RAB7B: variants seen among roughly 807,000 people sequenced by gnomAD.
RAB7B encodes the protein RAB7B, member RAS oncogene family, also known as ras-related protein Rab-7b.
At chr1:205,985,809 G>A in intron 4 of RAB7B, 144 bp from the exon 5 acceptor site, 1 of 130,532 alleles carries the variant, frequency 7.7e-6, no homozygotes, top group Non-Finnish European at 1.4e-5. Context: ...TCCCCACCAG[G>A]CCCACCAGGC....
At chr1:205,984,959 C>T (rs901144793) in intron 5 of RAB7B, among the ~76,000 whole-genome samples, 15 of 152,170 alleles carry the variant, frequency 9.9e-5, no homozygotes, top group African/African-American at 2.9e-4. Context: ...TAGACCCTAC[C>T]CCTAAGTCCT....
chr1:205,987,353 G>A (rs1660629307), intron 4 of RAB7B, among the ~76,000 whole-genome samples: 1 of 152,214 alleles, frequency 6.6e-6, no homozygotes, highest in African/African-American at 2.4e-5. Flanking sequence ...AATTCTGAAA[G>A]TGTTACTTGC....
chr1:206,000,870 T>C (rs1259890045), intron 1 of RAB7B, among the ~76,000 whole-genome samples: 2 of 152,224 alleles, frequency 1.3e-5, no homozygotes, highest in Non-Finnish European at 2.9e-5. Context: ...GAGCCAGACC[T>C]GCCCCATGGA....
intron 5 of RAB7B, among the ~76,000 whole-genome samples, chr1:205,984,467 A>G (rs1413744306): frequency 6.6e-6 from 1 of 152,180 alleles, no homozygotes; most frequent in Non-Finnish European, 1.5e-5. Flanking sequence ...CCATTTCCTC[A>G]ATTCAGAACC....
intron 5 of RAB7B, chr1:205,983,799 G>T (rs929802906): frequency 1.7e-4 from 26 of 152,130 alleles, no homozygotes; most frequent in African/African-American, 6.3e-4. Flanking sequence ...AAAAATGCAA[G>T]CAGACAAGCC....
intron 5 of RAB7B, among the ~76,000 whole-genome samples, chr1:205,984,967 C>T (rs1660563899): frequency 6.6e-6 from 1 of 152,194 alleles, no homozygotes; most frequent in African/African-American, 2.4e-5. Context: ...ACCCCTAAGT[C>T]CTGCCCCACC....
At chr1:205,980,843 T>TCCCTCCCCTTTCCTCCCCTTC (rs1660479443) in intron 5 of RAB7B, among the ~76,000 whole-genome samples, 3 of 91,522 alleles carry the variant, frequency 3.3e-5, no homozygotes, top group South Asian at 4.9e-4. Flanking sequence ...CCTCCCCCTT[T>TCCCTCCCCTTTCCTCCCCTTC]CCCTCCCCTT....
intron 4 of RAB7B, among the ~76,000 whole-genome samples, chr1:205,988,431 T>G (rs1321767262): frequency 6.6e-6 from 1 of 152,082 alleles, no homozygotes; most frequent in Non-Finnish European, 1.5e-5. Context: ...GATGGGGTCT[T>G]GACATGTTGC....
intron 4 of RAB7B, among the ~76,000 whole-genome samples, chr1:205,988,577 A>G (rs1457995608): frequency 6.6e-6 from 1 of 152,174 alleles, no homozygotes; most frequent in Non-Finnish European, 1.5e-5. Flanking sequence ...ATTAGGTAGG[A>G]GAAGCTGCTG....
chr1:205,991,095 C>G (rs1375945628), intron 4 of RAB7B, among the ~76,000 whole-genome samples: 4 of 152,102 alleles, frequency 2.6e-5, no homozygotes, highest in African/African-American at 9.7e-5. Flanking sequence ...ATAGTACAAG[C>G]CAAATTAGAA....
At chr1:205,985,792 C>CCCACCAGGCCCA (rs1660591213) in intron 4 of RAB7B, 127 bp from the exon 5 acceptor site, 1 of 418,876 alleles carries the variant, frequency 2.4e-6, no homozygotes, top group Non-Finnish European at 4.2e-6. Context: ...CCCCACCAGG[C>CCCACCAGGCCCA]CCACCATCCC....
At chr1:205,989,290 G>C (rs1660676409) in intron 4 of RAB7B, among the ~76,000 whole-genome samples, 1 of 152,066 alleles carries the variant, frequency 6.6e-6, no homozygotes. Flanking sequence ...TCCCAGAGAG[G>C]GGGCTGGCTT....
intron 1 of RAB7B, among the ~76,000 whole-genome samples, chr1:205,999,358 TAGTA>T (rs1424012120): frequency 9.2e-5 from 14 of 152,238 alleles, no homozygotes; most frequent in African/African-American, 3.4e-4. Context: ...TATAAAGAAT[TAGTA>T]AGCTTTGAAA....
At chr1:206,000,614 C>A (rs1660877152) in intron 1 of RAB7B, among the ~76,000 whole-genome samples, 1 of 152,212 alleles carries the variant, frequency 6.6e-6, no homozygotes, top group Non-Finnish European at 1.5e-5. Context: ...TATAACACAG[C>A]ACTGGTCCCC....
chr1:205,981,706 TGTG>T, intron 5 of RAB7B, among the ~76,000 whole-genome samples: 1 of 82,108 alleles, frequency 1.2e-5, no homozygotes, highest in Non-Finnish European at 2.7e-5. Context: ...GAACACCTAC[TGTG>T]ATTTCCTTCA....
rs1660655038 is a variant in RAB7B at position 205,988,380 on chromosome 1, C to A, written c.397-2715G>T. On this transcript the variant is annotated intron_variant, in intron 4 of 5. Coordinates refer to ENST00000617070, the MANE Select transcript of RAB7B (RefSeq NM_001164522.3). ...AGTAGTTCAGACTACAGGTGTGCCA[C>A]CACACCTGGCTAATTAAAAAAAATT... 1.3e-5 allele frequency among the ~76,000 whole-genome samples: 2 copies of A among 151,590 alleles called. 1 individual carries two copies. The highest frequency in any genetic ancestry group is 4.2e-4 in the South Asian group (2 of 4,804).
At chr1:205,996,405 G>A (rs1459575392) in intron 1 of RAB7B, among the ~76,000 whole-genome samples, 2 of 152,086 alleles carry the variant, frequency 1.3e-5, no homozygotes, top group Non-Finnish European at 2.9e-5. Context: ...CTGTAAATAG[G>A]ACATCCTGAG....
chr1:205,980,250 GGTGTGAGAAATGTC>G (rs1660465169), intron 5 of RAB7B, among the ~76,000 whole-genome samples: 84 of 152,364 alleles, frequency 5.5e-4, no homozygotes, highest in Non-Finnish European at 1.1e-3. Context: ...ATCTGGGGTA[GGTGTGAGAAATGTC>G]CTCATTTGTT....
At chr1:205,987,859 C>A (rs1660640366) in intron 4 of RAB7B, among the ~76,000 whole-genome samples, 1 of 151,776 alleles carries the variant, frequency 6.6e-6, no homozygotes, top group Non-Finnish European at 1.5e-5. Flanking sequence ...GGTAAATATA[C>A]CTAATAAAAT....
Sources: allele counts gnomAD v4.1 joint callset (sites outside exome capture counted in the v4.1 genomes callset), GRCh38; gene constraint gnomAD v4.1.1; transcripts MANE v1.5; gene names NCBI Gene and HGNC (gene_info 2026-07-23, HGNC 2026-07-21).